The following HEG1 variants were observed in gnomAD, a reference collection of about 807,000 sequenced individuals.
HEG1 encodes heart development protein with EGF like domains 1.
In HEG1, 56 loss-of-function variants were observed where a neutral mutation model predicts 125.6. The ratio of observed to expected loss-of-function variants is 0.45; its 90% CI spans 0.36 to 0.56. HEG1 has a LOEUF of 0.56. HEG1 is among the 20% of genes least tolerant of loss of function. The pLI is 0.00. For synonymous variants in HEG1, 644 were observed against 668.5 expected, an observed-to-expected ratio of 0.96 and a Z score of 0.57; for missense variants, 1,523 against 1,670.0, an observed-to-expected ratio of 0.91 and a Z score of 1.53.
At chr3:125,047,828 A>G (rs1425695550) in intron 1 of HEG1, among the ~76,000 whole-genome samples, 2 of 152,042 alleles carry the variant, frequency 1.3e-5, no homozygotes, top group Non-Finnish European at 2.9e-5. Context: ...TCCTTCCTCC[A>G]ATTTGATTCT....
In HEG1 at chr3:124,969,334, G is replaced by A. The variant is rs987912600; in HGVS notation, c.*1318C>T. On this transcript the variant is annotated 3_prime_UTR_variant, in exon 17 of 17. Coordinates refer to ENST00000311127, the MANE Select transcript of HEG1 (RefSeq NM_020733.2). ...ATAAGATGAGTGGAACTTCCTTCCC[G>A]AAGGTCAACCCTCAGTTCCTCGACC... The A allele has an allele frequency of 2.9e-4, 44 of 152,142 alleles. No homozygotes were observed. The highest frequency in any genetic ancestry group is 1.0e-3 in the African/African-American group (43 of 41,430). The allele number at this position is 152,142 out of a possible 1,614,324, so 9.4% of individuals were successfully genotyped here.
Position 124,970,605 on chromosome 3 carries a change from G to A in HEG1, c.*47C>T, listed in dbSNP as rs1218965755. ...TCCTGGTGCGGTCCTCTGAGCAGAG[G>A]TCCCAGGTGACTGGCTCAGAGCAAT... is the stretch of plus-strand genomic sequence containing the variant. On this transcript the variant is annotated 3_prime_UTR_variant, in exon 17 of 17. Transcript: ENST00000311127. The A allele has an allele frequency of 1.3e-6, 2 of 1,539,972 alleles. No individual in the cohort carries two copies. Among genetic ancestry groups the A allele is most frequent in the East Asian group, 2.4e-5 (1 of 42,252 alleles).
Position 125,025,607 on chromosome 3 carries a change from A to G in HEG1, c.913+1598T>C, listed in dbSNP as rs1398261977. Among the ~76,000 whole-genome samples the G allele has an allele frequency of 3.3e-5, 5 of 152,252 alleles. No homozygotes were observed. The East Asian group carries it at 7.7e-4, about 23-fold the overall frequency. On this transcript the variant is annotated intron_variant, in intron 3 of 16. Coordinates refer to ENST00000311127, the MANE Select transcript of HEG1 (RefSeq NM_020733.2). ...AATATAGAGTCATAGAGTCAAGTCCAGTAAAGTTGGAAACATAGGCTGATT... is the reference window on the plus strand; with the variant it reads ...AATATAGAGTCATAGAGTCAAGTCCGGTAAAGTTGGAAACATAGGCTGATT...
At chr3:124,980,259 G>A (rs1936623999) in intron 14 of HEG1, among the ~76,000 whole-genome samples, 1 of 152,146 alleles carries the variant, frequency 6.6e-6, no homozygotes, top group Non-Finnish European at 1.5e-5. Context: ...ATCTGATCTT[G>A]CCATTTCCCT....
Position 124,987,952 on chromosome 3 carries a change from C to CAT in HEG1, c.3733+2833_3733+2834dup, listed in dbSNP as rs1553776022. On this transcript the variant is annotated intron_variant, in intron 14 of 16. Transcript: ENST00000311127. ...ACACACACACACACACACACACACACATATATATATATATATATATATACC... is the reference window on the plus strand; with the variant it reads ...ACACACACACACACACACACACACACATATATATATATATATATATATATACC... Among the ~76,000 whole-genome samples the CAT allele has an allele frequency of 2.8e-3, 151 of 54,698 alleles. 13 individuals are homozygous for CAT. In the East Asian group the frequency reaches 0.05, roughly 18 times the overall value. The allele number at this position is 54,698 out of a possible 152,430, so 35.9% of individuals were successfully genotyped here. A position where few individuals can be genotyped will look rare whatever the true frequency, so the allele number is the denominator to read the frequency against.
At position 125,009,793 on chromosome 3, in the gene HEG1, T is replaced by C. The variant is rs757296110; in HGVS notation, c.3105A>G (p.Pro1035=). ...DVNECLSNPC[P]STAMCNNTQG... is the part of the protein sequence containing the mutation. ...GAGTATTGTTGCACATGGCTGTGGATGGGCAGGGGTTCGACAGGCACTCAT... is the reference window on the plus strand; with the variant it reads ...GAGTATTGTTGCACATGGCTGTGGACGGGCAGGGGTTCGACAGGCACTCAT... The change falls in exon 8 of 17, where the codon CCA becomes CCG. Residue 1035 remains proline, a synonymous_variant. Coordinates refer to ENST00000311127, the MANE Select transcript of HEG1 (RefSeq NM_020733.2). 2 of 1,613,602 alleles carry C rather than the reference T, an allele frequency of 1.2e-6. No individual in the cohort carries two copies. Among genetic ancestry groups the C allele is most frequent in the Non-Finnish European group, 1.7e-6 (2 of 1,179,626 alleles).
intron 2 of HEG1, among the ~76,000 whole-genome samples, 195 bp from the exon 3 acceptor site, chr3:125,027,702 T>C (rs1396481808): frequency 6.6e-6 from 1 of 152,120 alleles, no homozygotes; most frequent in Admixed American, 6.5e-5. Context: ...CTCACAAAGA[T>C]TCTGTGTATT....
At chr3:125,004,746 G>C (rs79973780) in intron 9 of HEG1, among the ~76,000 whole-genome samples, 9 of 152,086 alleles carry the variant, frequency 5.9e-5, no homozygotes, top group African/African-American at 2.2e-4. Context: ...TAAAAAGCGG[G>C]CAAAGAGGGA....
chr3:125,039,874 C>T (rs556491596), intron 1 of HEG1, among the ~76,000 whole-genome samples: 4 of 150,302 alleles, frequency 2.7e-5, no homozygotes, highest in East Asian at 3.9e-4. Flanking sequence ...AAGTCCCCCA[C>T]AAAAAGCCAA....
Position 125,029,535 on chromosome 3 carries a change from C to T in HEG1, c.317-47G>A, listed in dbSNP as rs758976599. Reference sequence around the variant, plus strand: ...TCAGGGAGAGTTTGCTGGCTTCTGACAAGAAAAGTAAACCTTCAGAAAAGA... The same window carrying T: ...TCAGGGAGAGTTTGCTGGCTTCTGATAAGAAAAGTAAACCTTCAGAAAAGA... On this transcript the variant is annotated intron_variant, in intron 1 of 16. Coordinates refer to ENST00000311127, the MANE Select transcript of HEG1 (RefSeq NM_020733.2). The T allele has an allele frequency of 1.9e-6, 3 of 1,538,984 alleles. No individual in the cohort carries two copies. In the African/African-American group the frequency reaches 4.1e-5, roughly 21 times the overall value.
intron 14 of HEG1, among the ~76,000 whole-genome samples, chr3:124,986,698 A>G (rs1936745593): frequency 2.0e-5 from 3 of 152,236 alleles, no homozygotes; most frequent in Admixed American, 1.3e-4. Flanking sequence ...CCATCCAGAC[A>G]GGCCTCTGCC....
At chr3:125,002,425 A>G in intron 9 of HEG1, 110 bp from the exon 10 acceptor site, 2 of 922,532 alleles carry the variant, frequency 2.2e-6, no homozygotes, top group South Asian at 3.1e-5. Flanking sequence ...CCATCAAGTT[A>G]TCAGCACGCG....
At chr3:125,042,141 T>TA (rs1937598397) in intron 1 of HEG1, among the ~76,000 whole-genome samples, 1 of 152,244 alleles carries the variant, frequency 6.6e-6, no homozygotes, top group African/African-American at 2.4e-5. Context: ...TGTATGTATT[T>TA]ACTAGGCCAA....
intron 6 of HEG1, 39 bp from the exon 7 acceptor site, chr3:125,010,594 A>G: frequency 8.1e-7 from 1 of 1,228,432 alleles, no homozygotes; most frequent in Non-Finnish European, 1.2e-6. Flanking sequence ...TTAACCACAC[A>G]GGAAATGTAA....
chr3:124,993,063 C>T (rs1936858073), intron 12 of HEG1, among the ~76,000 whole-genome samples: 1 of 152,170 alleles, frequency 6.6e-6, no homozygotes, highest in African/African-American at 2.4e-5. Context: ...TTTTAAAACA[C>T]AGGGATGCTC....
Position 124,998,426 on chromosome 3 carries a change from C to T in HEG1, c.3518-603G>A, listed in dbSNP as rs771197796. On this transcript the variant is annotated intron_variant, in intron 11 of 16. Coordinates refer to ENST00000311127, the MANE Select transcript of HEG1 (RefSeq NM_020733.2). ...GATCTGAAAGACAATCTGCTTGCCC[C>T]GGGCTGTAGTGTAATTCTGCTTATC... Among the ~76,000 whole-genome samples the T allele has an allele frequency of 2.6e-5, 4 of 152,274 alleles. No individual in the cohort carries two copies. The South Asian group carries it at 6.2e-4, about 24-fold the overall frequency.
chr3:125,036,221 A>AAAAAAAG (rs1553779694), intron 1 of HEG1, among the ~76,000 whole-genome samples: 6 of 150,740 alleles, frequency 4.0e-5, no homozygotes, highest in Non-Finnish European at 8.9e-5. Context: ...AAAAAAAAAA[A>AAAAAAAG]AAAAAGAAAA....
chr3:125,035,625 T>C (rs1937541751), intron 1 of HEG1, among the ~76,000 whole-genome samples: 1 of 152,126 alleles, frequency 6.6e-6, no homozygotes, highest in African/African-American at 2.4e-5. Flanking sequence ...TTTTCAACCA[T>C]TTCTACTACA....
intron 1 of HEG1, among the ~76,000 whole-genome samples, chr3:125,030,551 T>C (rs898432520): frequency 2.0e-5 from 3 of 152,190 alleles, no homozygotes; most frequent in Non-Finnish European, 4.4e-5. Context: ...ATAAAGATAT[T>C]CTTCAGGGAT....
Sources: allele counts gnomAD v4.1 joint callset (sites outside exome capture counted in the v4.1 genomes callset), GRCh38; gene constraint gnomAD v4.1.1; transcripts MANE v1.5; gene names NCBI Gene and HGNC (gene_info 2026-07-23, HGNC 2026-07-21).